The following CLEC12A variants were observed in gnomAD, a reference collection of about 807,000 sequenced individuals.
The protein encoded by CLEC12A is C-type lectin domain family 12 member A.
A neutral mutation model predicts 26.5 loss-of-function variants in CLEC12A; 22 were observed. The ratio of observed to expected loss-of-function variants is 0.83; its 90% CI spans 0.59 to 1.19. The LOEUF is 1.19. Among genes scored for constraint, CLEC12A ranks in the 50% most tolerant of loss-of-function variants. The pLI, the probability that CLEC12A is intolerant of heterozygous loss-of-function variation, is 0.00. For synonymous variants in CLEC12A, 119 were observed against 101.9 expected, an observed-to-expected ratio of 1.17 and a Z score of -1.01; for missense variants, 353 against 315.6, an observed-to-expected ratio of 1.12 and a Z score of -0.90.
At position 9,980,653 on chromosome 12, in the gene CLEC12A, G is replaced by T; in HGVS notation, c.451G>T (p.Val151Phe). Residue 151 changes from valine to phenylalanine, a missense_variant, in exon 4 of 6, where the codon GTC becomes TTC. Coordinates refer to ENST00000304361, the MANE Select transcript of CLEC12A (RefSeq NM_138337.6). Reference protein sequence around the residue: ...KDSCYFLSDDVQTWQESKMAC... With the variant: ...KDSCYFLSDDFQTWQESKMAC... ...CAGCTGTTATTTCCTAAGTGATGATGTCCAAACATGGCAGGAGAGTAAAAT... is the reference window on the plus strand; with the variant it reads ...CAGCTGTTATTTCCTAAGTGATGATTTCCAAACATGGCAGGAGAGTAAAAT... 6.2e-7 allele frequency: 1 copy of T among 1,613,898 alleles called. No homozygotes were observed. The highest frequency in any genetic ancestry group is 8.5e-7 in the Non-Finnish European group (1 of 1,179,862).
At chr12:9,978,373 A>T (rs1011770860) in intron 1 of CLEC12A, among the ~76,000 whole-genome samples, 1 of 151,218 alleles carries the variant, frequency 6.6e-6, no homozygotes, top group Non-Finnish European at 1.5e-5. Flanking sequence ...ACACATGAAA[A>T]TTTTTTTGAA....
chr12:9,955,879 G>C (rs1014308658), intron 1 of CLEC12A, among the ~76,000 whole-genome samples: 1 of 152,132 alleles, frequency 6.6e-6, no homozygotes, highest in Non-Finnish European at 1.5e-5. Context: ...AAGCCAAGAG[G>C]ACAGAATCAA....
In CLEC12A at chr12:9,982,076, A is replaced by G; in HGVS notation, c.588A>G (p.Glu196=). 6.2e-7 allele frequency: 1 copy of G among 1,602,332 alleles called. No individual in the cohort carries two copies. ...ACTATTGGCTGGGATTATCTCCTGA[A>G]GAAGATTCCACTCGTGGTATGAGAG... ...SYDYWLGLSP[E]EDSTRGMRVD... is the part of the protein sequence containing the mutation. Residue 196 remains glutamate, a synonymous_variant, in exon 5 of 6, where the codon GAA becomes GAG. Transcript: ENST00000304361.
downstream of CLEC12A, chr12:9,998,264 G>A (rs1865099284): frequency 1.9e-6 from 3 of 1,598,814 alleles, no homozygotes; most frequent in Non-Finnish European, 1.7e-6. Flanking sequence ...TCAAATTTCT[G>A]GCAGAGTCAA....
chr12:9,975,169 C>T (rs962008373), intron 1 of CLEC12A, among the ~76,000 whole-genome samples: 1 of 152,028 alleles, frequency 6.6e-6, no homozygotes, highest in Non-Finnish European at 1.5e-5. Context: ...TGAAAATGAA[C>T]TAATGCAGTA....
intron 1 of CLEC12A, among the ~76,000 whole-genome samples, chr12:9,964,620 G>C (rs958374407): frequency 3.9e-5 from 6 of 152,150 alleles, no homozygotes; most frequent in Admixed American, 3.3e-4. Flanking sequence ...CCTCGAGCTT[G>C]ATGTGTAGGG....
chr12:9,996,720 A>T, downstream of CLEC12A: 1 of 937,564 alleles, frequency 1.1e-6, no homozygotes, highest in Non-Finnish European at 1.7e-6. Context: ...TAGGTTTCAC[A>T]AGGGTCTTAG....
chr12:9,963,118 A>G (rs1863867452), intron 1 of CLEC12A, among the ~76,000 whole-genome samples: 1 of 152,164 alleles, frequency 6.6e-6, no homozygotes, highest in African/African-American at 2.4e-5. Flanking sequence ...TATGAATTGA[A>G]AAACTAAACA....
At position 9,980,673 on chromosome 12, in the gene CLEC12A, T is replaced by C; in HGVS notation, c.471T>C (p.Ser157=). ...LSDDVQTWQE[S]KMACAAQNAS... ...ATGATGTCCAAACATGGCAGGAGAGTAAAATGGCCTGTGCTGCTCAGAATG... is the reference window on the plus strand; with the variant it reads ...ATGATGTCCAAACATGGCAGGAGAGCAAAATGGCCTGTGCTGCTCAGAATG... Residue 157 remains serine (S), a synonymous_variant, in exon 4 of 6, where the codon AGT becomes AGC. Transcript: ENST00000304361. 1 of 1,613,522 alleles carries C rather than the reference T, an allele frequency of 6.2e-7. No homozygotes were observed. The highest frequency in any genetic ancestry group is 1.1e-5 in the South Asian group (1 of 91,068).
chr12:9,973,025 CT>C (rs1480755265), intron 1 of CLEC12A, among the ~76,000 whole-genome samples: 1 of 152,148 alleles, frequency 6.6e-6, no homozygotes, highest in African/African-American at 2.4e-5. Flanking sequence ...GAATCCATGT[CT>C]TCTTCATGTT....
intron 4 of CLEC12A, among the ~76,000 whole-genome samples, chr12:9,981,196 G>A (rs1864543317): frequency 6.6e-6 from 1 of 152,132 alleles, no homozygotes; most frequent in African/African-American, 2.4e-5. Flanking sequence ...GTACAAACAA[G>A]AAGAACTGAA....
chr12:9,981,326 T>C (rs763484162), intron 4 of CLEC12A, among the ~76,000 whole-genome samples: 9 of 152,218 alleles, frequency 5.9e-5, no homozygotes, highest in Non-Finnish European at 1.3e-4. Flanking sequence ...GTCTAAATAA[T>C]GTTTCCATGT....
rs555194826 is a variant in CLEC12A at position 9,965,523 on chromosome 12, C to A, written c.11-6054C>A. 7.5e-4 allele frequency among the ~76,000 whole-genome samples: 113 copies of A among 150,860 alleles called. 1 individual carries two copies. The highest frequency in any genetic ancestry group is 1.2e-3 in the Non-Finnish European group (78 of 67,790). On this transcript the variant is annotated intron_variant, in intron 1 of 6. Transcript: ENST00000355690. ...TGAAAGTGAAGAGAGGCTGGGATGA[C>A]GGGTGCAAAGGAATAGTAAAGAAAG...
intron 1 of CLEC12A, among the ~76,000 whole-genome samples, chr12:9,956,897 A>C (rs1341010314): frequency 6.6e-6 from 1 of 152,202 alleles, no homozygotes; most frequent in Non-Finnish European, 1.5e-5. Context: ...CAGTTATTAA[A>C]AGTATAAGTT....
the CLEC12A span, among the ~76,000 whole-genome samples, chr12:10,002,025 G>C: frequency 4.3e-4 from 66 of 151,812 alleles, no homozygotes; most frequent in Admixed American, 6.5e-4. Context: ...GAGTACAGGC[G>C]CCCACCACCA....
chr12:9,960,624 T>G (rs773159007), intron 1 of CLEC12A, among the ~76,000 whole-genome samples: 9 of 152,162 alleles, frequency 5.9e-5, no homozygotes, highest in Non-Finnish European at 8.8e-5. Flanking sequence ...TCTCCATGAT[T>G]GAGGAAGTGA....
Position 9,980,634 on chromosome 12 carries a change from T to C in CLEC12A, c.432T>C (p.Cys144=). ...GATGGATTTGGCATAAGGACAGCTG[T>C]TATTTCCTAAGTGATGATGTCCAAA... ...PRRWIWHKDS[C]YFLSDDVQTW... is the part of the protein sequence containing the mutation. The change falls in exon 4 of 6, where the codon TGT becomes TGC. Residue 144 remains cysteine, a synonymous_variant. Coordinates refer to ENST00000304361, the MANE Select transcript of CLEC12A (RefSeq NM_138337.6). 1 of 1,613,886 alleles carries C rather than the reference T, an allele frequency of 6.2e-7. No individual in the cohort carries two copies. The highest frequency in any genetic ancestry group is 8.5e-7 in the Non-Finnish European group (1 of 1,179,840).
downstream of CLEC12A, chr12:9,997,202 AGAAGC>A: frequency 6.2e-7 from 1 of 1,614,014 alleles, no homozygotes. Context: ...ACATATTGAC[AGAAGC>A]GCTTTGCTAA....
chr12:9,991,755 T>C (rs1864898897), intron 4 of CLEC12A: 1 of 152,298 alleles, frequency 6.6e-6, no homozygotes, highest in Non-Finnish European at 1.5e-5. Context: ...TTCTGATCGA[T>C]ACTTTATATA....
Sources: allele counts gnomAD v4.1 joint callset (sites outside exome capture counted in the v4.1 genomes callset), GRCh38; gene constraint gnomAD v4.1.1; transcripts MANE v1.5; gene names NCBI Gene and HGNC (gene_info 2026-07-23, HGNC 2026-07-21).